The following KCNIP4 variants were observed in gnomAD, a reference collection of about 807,000 sequenced individuals.
KCNIP4 encodes the protein potassium voltage-gated channel interacting protein 4, also known as Kv channel-interacting protein 4.
In KCNIP4, 12 loss-of-function variants were observed where a neutral mutation model predicts 34.0. The observed-to-expected ratio is 0.35, with a 90% confidence interval of 0.23 to 0.57. The LOEUF (loss-of-function observed/expected upper bound fraction) is 0.57. KCNIP4 is among the 20% of genes least tolerant of loss of function. The probability of loss-of-function intolerance (pLI) is 0.83; values close to 1 mark genes in which losing one functional copy is unlikely to be tolerated. For synonymous variants in KCNIP4, 124 were observed against 102.2 expected, an observed-to-expected ratio of 1.21 and a Z score of -1.29; for missense variants, 238 against 311.7, an observed-to-expected ratio of 0.76 and a Z score of 1.78.
intron 1 of KCNIP4, among the ~76,000 whole-genome samples, chr4:21,148,627 T>G (rs1265358789): frequency 6.6e-6 from 1 of 151,728 alleles, no homozygotes; most frequent in Non-Finnish European, 1.5e-5. Context: ...CCTGTATCAG[T>G]TCAAAAAATA....
At chr4:21,866,620 G>A (rs1725434245) in intron 1 of KCNIP4, among the ~76,000 whole-genome samples, 1 of 152,136 alleles carries the variant, frequency 6.6e-6, no homozygotes, top group Non-Finnish European at 1.5e-5. Flanking sequence ...AAAGTATGCT[G>A]TCCTTATCCA....
intron 3 of KCNIP4, among the ~76,000 whole-genome samples, chr4:20,835,050 G>A (rs28522153): frequency 0.02 from 3,057 of 151,924 alleles, 84 homozygotes; most frequent in African/African-American, 0.062. Context: ...TTTTTCTCCT[G>A]TTAGATCAAG....
intron 1 of KCNIP4, among the ~76,000 whole-genome samples, chr4:21,324,170 T>G (rs1714790014): frequency 7.0e-6 from 1 of 142,648 alleles, no homozygotes; most frequent in South Asian, 2.3e-4. Flanking sequence ...TGATGCAGTT[T>G]GTACTTACTT....
At chr4:20,868,869 C>T (rs993123182) in intron 2 of KCNIP4, among the ~76,000 whole-genome samples, 1 of 152,170 alleles carries the variant, frequency 6.6e-6, no homozygotes, top group African/African-American at 2.4e-5. Flanking sequence ...CTATTGGGTA[C>T]TATGCTCACT....
intron 1 of KCNIP4, among the ~76,000 whole-genome samples, chr4:21,105,944 G>T (rs9683759): frequency 0.28 from 42,401 of 150,748 alleles, 6,773 homozygotes; most frequent in African/African-American, 0.41. Flanking sequence ...CAGGGATGAA[G>T]CCCACTTGAT....
intron 1 of KCNIP4, among the ~76,000 whole-genome samples, chr4:21,072,013 G>C (rs1166018463): frequency 6.6e-6 from 1 of 152,168 alleles, no homozygotes; most frequent in African/African-American, 2.4e-5. Context: ...TGATGTATAT[G>C]TGCCACATTT....
rs537558147 is a variant in KCNIP4, at chr4:21,933,136, T to C, written c.61+15435A>G. ...CACAAGGGCAAGCAGTACAAATACA[T>C]GATCTACAGTTTGCTGATTATAGAA... On this transcript the variant is annotated intron_variant, in intron 1 of 8. Coordinates refer to ENST00000382152, the MANE Select transcript of KCNIP4 (RefSeq NM_025221.6). Among the ~76,000 whole-genome samples, 5 of 151,278 alleles carry C rather than the reference T, an allele frequency of 3.3e-5. No homozygotes were observed. In the South Asian group the frequency reaches 8.3e-4, roughly 25 times the overall value.
chr4:21,023,752 C>A (rs1740280268), intron 1 of KCNIP4, among the ~76,000 whole-genome samples: 1 of 151,974 alleles, frequency 6.6e-6, no homozygotes, highest in Admixed American at 6.6e-5. Flanking sequence ...CATGGTGGTG[C>A]ACGCCTGTAG....
At chr4:21,603,112 C>A in intron 1 of KCNIP4, among the ~76,000 whole-genome samples, 1 of 152,174 alleles carries the variant, frequency 6.6e-6, no homozygotes, top group East Asian at 1.9e-4. Context: ...GTTGATTTTG[C>A]CAAAGAGCTT....
intron 1 of KCNIP4, among the ~76,000 whole-genome samples, chr4:21,154,834 A>G (rs1358432084): frequency 6.6e-6 from 1 of 152,094 alleles, no homozygotes; most frequent in Admixed American, 6.6e-5. Context: ...CCTGGAATGT[A>G]AGCATAATGG....
At chr4:20,880,304 T>C (rs556011042) in intron 2 of KCNIP4, among the ~76,000 whole-genome samples, 83 of 152,170 alleles carry the variant, frequency 5.5e-4, no homozygotes, top group Non-Finnish European at 9.9e-4. Flanking sequence ...GCAAACATGA[T>C]AAACCATTCA....
At chr4:21,085,396 G>A (rs1292511522) in intron 1 of KCNIP4, among the ~76,000 whole-genome samples, 2 of 152,192 alleles carry the variant, frequency 1.3e-5, no homozygotes, top group East Asian at 1.9e-4. Context: ...ATAGTATTCT[G>A]TTATTGCAGC....
intron 2 of KCNIP4, among the ~76,000 whole-genome samples, chr4:20,876,892 G>A (rs141680446): frequency 6.6e-6 from 1 of 152,126 alleles, no homozygotes; most frequent in Non-Finnish European, 1.5e-5. Context: ...TCTTATAAGA[G>A]GAGTGTGACT....
At chr4:21,320,571 T>C (rs1714268465) in intron 1 of KCNIP4, among the ~76,000 whole-genome samples, 1 of 152,170 alleles carries the variant, frequency 6.6e-6, no homozygotes. Flanking sequence ...TAGTGAGGCA[T>C]CTTAGATGCA....
chr4:21,635,805 C>T (rs1185207913), intron 1 of KCNIP4, among the ~76,000 whole-genome samples: 3 of 151,800 alleles, frequency 2.0e-5, no homozygotes, highest in Non-Finnish European at 2.9e-5. Context: ...ACCCAAAGGA[C>T]TATAAATCAT....
At chr4:21,934,928 A>G (rs1455298217) in intron 1 of KCNIP4, among the ~76,000 whole-genome samples, 1 of 152,120 alleles carries the variant, frequency 6.6e-6, no homozygotes, top group East Asian at 1.9e-4. Context: ...CACCCCAAAT[A>G]TAATATTGAA....
chr4:21,224,911 G>T (rs1758263174), intron 1 of KCNIP4, among the ~76,000 whole-genome samples: 1 of 151,910 alleles, frequency 6.6e-6, no homozygotes, highest in Non-Finnish European at 1.5e-5. Context: ...TTACGATGAT[G>T]CAAAACCATC....
intron 1 of KCNIP4, among the ~76,000 whole-genome samples, chr4:21,208,143 A>G (rs760077501): frequency 2.0e-5 from 3 of 152,124 alleles, no homozygotes; most frequent in African/African-American, 4.8e-5. Flanking sequence ...CACCTGGCCT[A>G]TATTTACTTT....
At chr4:21,107,483 C>T (rs570906733) in intron 1 of KCNIP4, among the ~76,000 whole-genome samples, 25 of 151,194 alleles carry the variant, frequency 1.7e-4, no homozygotes, top group East Asian at 1.5e-3. Flanking sequence ...TATTTTGAGC[C>T]TATGTGTGTC....
Sources: gnomAD v4.1 joint callset for allele counts (sites outside exome capture counted in the v4.1 genomes callset) on GRCh38, gnomAD v4.1.1 for gene constraint, MANE v1.5 for transcripts, NCBI Gene and HGNC (gene_info 2026-07-23, HGNC 2026-07-21) for gene names.